FSTL1: variants seen among roughly 807,000 people sequenced by gnomAD.
FSTL1 encodes the protein follistatin like 1, also known as follistatin-related protein 1.
A neutral mutation model predicts 45.9 loss-of-function variants in FSTL1; 24 were observed. That is an observed-to-expected ratio of 0.52 (90% CI 0.38 to 0.74). The LOEUF (loss-of-function observed/expected upper bound fraction) is 0.74, where lower values mean the gene tolerates loss of function less well. Among genes scored for constraint, FSTL1 ranks in the 30% least tolerant of loss-of-function variants. FSTL1 has a pLI of 0.00. For synonymous variants in FSTL1, 120 were observed against 137.6 expected (o/e 0.87, Z 0.89); for missense variants, 340 against 381.8 (o/e 0.89, Z 0.91).
rs553943823 is a variant in FSTL1 at position 120,416,425 on chromosome 3, G to A, written c.64-398C>T. 3.3e-5 allele frequency among the ~76,000 whole-genome samples: 5 copies of A among 152,314 alleles called. No homozygotes were observed. The South Asian group carries it at 8.3e-4, about 25-fold the overall frequency. ...CTCAGAGGAAACTCACAAAGAAAGA[G>A]ACATTTGGAAAACAACACAGGAAGT... On this transcript the variant is annotated intron_variant, in intron 2 of 10. Transcript: ENST00000295633.
Position 120,404,929 on chromosome 3 carries a change from G to C in FSTL1, c.505C>G (p.Leu169Val). Residue 169 changes from leucine to valine, a missense_variant, in exon 7 of 11, where the codon CTG becomes GTG. Transcript: ENST00000295633. ...GTTTCATTCTGTTCCACAAACTTCA[G>C]GAATTCACTGGAGTCCAGGCGAGAA... ...GDSRLDSSEF[L>V]KFVEQNETAI... 1 of 1,604,236 alleles carries C rather than the reference G, an allele frequency of 6.2e-7. No individual in the cohort carries two copies. The highest frequency in any genetic ancestry group is 1.1e-5 in the South Asian group (1 of 90,920).
intron 2 of FSTL1, among the ~76,000 whole-genome samples, chr3:120,420,093 G>A (rs1937253079): frequency 6.6e-6 from 1 of 152,224 alleles, no homozygotes; most frequent in Non-Finnish European, 1.5e-5. Flanking sequence ...TCAAGGCAGT[G>A]AGCTTTGGGG....
At chr3:120,434,425 T>C (rs1342297123) in intron 2 of FSTL1, among the ~76,000 whole-genome samples, 1 of 152,092 alleles carries the variant, frequency 6.6e-6, no homozygotes, top group African/African-American at 2.4e-5. Flanking sequence ...CTGAGGAAAC[T>C]TAGTTTATGA....
At chr3:120,401,390 C>G (rs1936822527) in intron 9 of FSTL1, among the ~76,000 whole-genome samples, 1 of 152,122 alleles carries the variant, frequency 6.6e-6, no homozygotes, top group East Asian at 1.9e-4. Context: ...TGGTCCTGGG[C>G]AGCGGTAGAC....
At chr3:120,407,230 G>C (rs1447670190) in intron 6 of FSTL1, among the ~76,000 whole-genome samples, 1 of 152,206 alleles carries the variant, frequency 6.6e-6, no homozygotes, top group East Asian at 1.9e-4. Context: ...TAAGTTTGGA[G>C]ACTCTTCAGA....
intron 8 of FSTL1, 83 bp downstream of exon 8, chr3:120,403,159 A>G: frequency 1.2e-6 from 1 of 838,430 alleles, no homozygotes; most frequent in South Asian, 1.4e-5. Flanking sequence ...CTAGCTCTGG[A>G]GAGTTCCACC....
chr3:120,440,936 T>A (rs1375079300), intron 2 of FSTL1, among the ~76,000 whole-genome samples: 2 of 151,970 alleles, frequency 1.3e-5, no homozygotes, highest in African/African-American at 4.8e-5. Context: ...CAGGAAGGGG[T>A]GGGCATGTGA....
chr3:120,414,121 C>T (rs1175252897), intron 3 of FSTL1, among the ~76,000 whole-genome samples: 2 of 152,030 alleles, frequency 1.3e-5, no homozygotes, highest in African/African-American at 2.4e-5. Flanking sequence ...GGCGTGATCT[C>T]GGCTCGCTAC....
chr3:120,422,706 T>TG (rs1176322805), intron 2 of FSTL1, among the ~76,000 whole-genome samples: 1 of 152,082 alleles, frequency 6.6e-6, no homozygotes, highest in Non-Finnish European at 1.5e-5. Context: ...TAATTTTTTT[T>TG]TTTTTTGAGA....
intron 3 of FSTL1, among the ~76,000 whole-genome samples, chr3:120,414,756 G>A (rs1937156372): frequency 6.6e-6 from 1 of 151,796 alleles, no homozygotes; most frequent in South Asian, 2.1e-4. Flanking sequence ...TAAGGGCGGT[G>A]CAAGATGTGC....
intron 7 of FSTL1, among the ~76,000 whole-genome samples, chr3:120,403,674 C>T (rs1329350859): frequency 2.0e-5 from 3 of 152,140 alleles, no homozygotes; most frequent in Non-Finnish European, 2.9e-5. Flanking sequence ...CTAGCAATTG[C>T]TTTTCCCCAT....
At chr3:120,409,026 CA>C (rs1379599829) in intron 6 of FSTL1, among the ~76,000 whole-genome samples, 10 of 152,158 alleles carry the variant, frequency 6.6e-5, no homozygotes, top group African/African-American at 2.2e-4. Flanking sequence ...TTGGGAACAG[CA>C]ATATCTAAGT....
intron 2 of FSTL1, among the ~76,000 whole-genome samples, chr3:120,429,447 C>T (rs954858239): frequency 6.6e-6 from 1 of 152,208 alleles, no homozygotes; most frequent in East Asian, 1.9e-4. Flanking sequence ...ACTTGGACAA[C>T]AGGCCTAAAC....
chr3:120,406,173 T>G (rs887762536), intron 6 of FSTL1, among the ~76,000 whole-genome samples: 1 of 152,148 alleles, frequency 6.6e-6, no homozygotes, highest in African/African-American at 2.4e-5. Flanking sequence ...ATTCTTGTCC[T>G]AATTCCTAGG....
intron 2 of FSTL1, among the ~76,000 whole-genome samples, chr3:120,432,506 C>T (rs1472804417): frequency 1.3e-5 from 2 of 152,108 alleles, no homozygotes; most frequent in African/African-American, 4.8e-5. Context: ...AAGCTGTACA[C>T]AATGCACAAA....
Position 120,397,803 on chromosome 3 carries a change from G to A in FSTL1, c.883-807C>T, listed in dbSNP as rs144185222. Among the ~76,000 whole-genome samples, 1,130 of 152,242 alleles carry A rather than the reference G, an allele frequency of 7.4e-3. 9 individuals carry two copies. Among genetic ancestry groups the A allele is most frequent in the African/African-American group, 0.026 (1,072 of 41,538 alleles). ...CATGTGTCCACACAAAAACTTGTGC[G>A]AAAATGTTCCTAACAGCTTTATTTA... is the stretch of plus-strand genomic sequence containing the variant. On this transcript the variant is annotated intron_variant, in intron 10 of 10. Coordinates refer to ENST00000295633, the MANE Select transcript of FSTL1 (RefSeq NM_007085.5).
intron 2 of FSTL1, among the ~76,000 whole-genome samples, chr3:120,420,225 G>A (rs1230640367): frequency 6.6e-6 from 1 of 152,220 alleles, no homozygotes; most frequent in Non-Finnish European, 1.5e-5. Context: ...AAAGCAGTAT[G>A]AGGACTTCAT....
At chr3:120,434,725 C>T (rs1460606663) in intron 2 of FSTL1, among the ~76,000 whole-genome samples, 1 of 152,164 alleles carries the variant, frequency 6.6e-6, no homozygotes, top group Non-Finnish European at 1.5e-5. Context: ...CATGTCTCTC[C>T]CTATGGTGTT....
At chr3:120,402,970 GCAT>G (rs1456905178) in intron 8 of FSTL1, 52 bp from the exon 9 acceptor site, 1 of 1,158,342 alleles carries the variant, frequency 8.6e-7, no homozygotes, top group Non-Finnish European at 1.3e-6. Context: ...GTGGAACAGG[GCAT>G]CTTTGCTACA....
Sources: gnomAD v4.1 joint callset for allele counts (sites outside exome capture counted in the v4.1 genomes callset) on GRCh38, gnomAD v4.1.1 for gene constraint, MANE v1.5 for transcripts, NCBI Gene and HGNC (gene_info 2026-07-23, HGNC 2026-07-21) for gene names.